ST18: variants seen among roughly 807,000 people sequenced by gnomAD.
ST18 encodes the protein suppression of tumorigenicity 18 protein.
ST18 carries 50 observed loss-of-function variants against 110.0 expected under a neutral mutation model. The observed-to-expected ratio is 0.45, with a 90% CI of 0.36 to 0.58. ST18 has a LOEUF of 0.58. ST18 is among the 20% of genes least tolerant of loss of function. The probability of loss-of-function intolerance (pLI) is 0.00; values close to 1 mark genes in which losing one functional copy is unlikely to be tolerated. For synonymous variants in ST18, 461 were observed against 452.4 expected, an observed-to-expected ratio of 1.02 and a Z score of -0.24; for missense variants, 1,306 against 1,280.1, an observed-to-expected ratio of 1.02 and a Z score of -0.31.
intron 13 of ST18, among the ~76,000 whole-genome samples, chr8:52,161,962 C>A (rs755636401): frequency 8.5e-5 from 13 of 152,208 alleles, no homozygotes; most frequent in Non-Finnish European, 1.9e-4. Context: ...ATAATCCCAG[C>A]CGTTTGGGAG....
At position 52,180,315 on chromosome 8, in the gene ST18, G is replaced by A. The variant is rs374706935; in HGVS notation, c.87-3C>T. The A allele has an allele frequency of 1.3e-5, 21 of 1,613,482 alleles. No homozygotes were observed. The African/African-American group carries it at 2.1e-4, about 16-fold the overall frequency. On this transcript the variant is annotated splice_region_variant and splice_polypyrimidine_tract_variant and intron_variant, in intron 8 of 25. Transcript: ENST00000689386. ...CCATGGAGCAATCATAGGCAACACTGTAGTGATTGAGGAAAATTAAGAATA... is the reference window on the plus strand; with the variant it reads ...CCATGGAGCAATCATAGGCAACACTATAGTGATTGAGGAAAATTAAGAATA...
chr8:52,266,475 A>C (rs1291277609), intron 2 of ST18, among the ~76,000 whole-genome samples: 1 of 152,078 alleles, frequency 6.6e-6, no homozygotes, highest in African/African-American at 2.4e-5. Context: ...GCACACATGA[A>C]GAGAATGTAT....
At chr8:52,185,483 C>T (rs534982407) in intron 8 of ST18, among the ~76,000 whole-genome samples, 1 of 152,180 alleles carries the variant, frequency 6.6e-6, no homozygotes, top group South Asian at 2.1e-4. Context: ...TGGAAAAGAA[C>T]AACAAAGTTG....
Position 52,185,853 on chromosome 8 carries a change from T to A in ST18, c.87-5541A>T, listed in dbSNP as rs186912984. On this transcript the variant is annotated intron_variant, in intron 8 of 25. Coordinates refer to ENST00000689386, the MANE Select transcript of ST18 (RefSeq NM_001352837.2). ...ATATTACCTTCAAAATGTGAGATAA[T>A]ATCTTCACGACCTTGGGGTAGGCAA... Among the ~76,000 whole-genome samples the A allele has an allele frequency of 9.2e-5, 14 of 152,288 alleles. No homozygotes were observed. The East Asian group carries it at 2.7e-3, about 29-fold the overall frequency.
chr8:52,219,476 A>T (rs1387998223), intron 5 of ST18, among the ~76,000 whole-genome samples: 2 of 152,136 alleles, frequency 1.3e-5, no homozygotes, highest in African/African-American at 4.8e-5. Context: ...TTTTATTTGC[A>T]CACTATTCTT....
intron 2 of ST18, among the ~76,000 whole-genome samples, chr8:52,372,390 A>G (rs775477667): frequency 6.6e-6 from 1 of 152,230 alleles, no homozygotes; most frequent in Non-Finnish European, 1.5e-5. Context: ...AAGTTACAGT[A>G]CACTACGGTT....
intron 2 of ST18, among the ~76,000 whole-genome samples, chr8:52,374,003 C>T (rs1831223079): frequency 6.6e-6 from 1 of 152,148 alleles, no homozygotes; most frequent in Non-Finnish European, 1.5e-5. Context: ...TCTCAATTCT[C>T]TAATACCTCC....
At chr8:52,161,599 A>T (rs377477794) in intron 13 of ST18, 31 bp from the exon 14 acceptor site, 3 of 1,608,760 alleles carry the variant, frequency 1.9e-6, no homozygotes, top group Non-Finnish European at 2.5e-6. Context: ...GTTCAAAAGA[A>T]ATACAATGAA....
chr8:52,166,814 T>A, intron 11 of ST18, 38 bp downstream of exon 11: 3 of 1,504,566 alleles, frequency 2.0e-6, no homozygotes, highest in Non-Finnish European at 8.9e-7. Context: ...TGATCTGGCG[T>A]GCATAAGCAG....
intron 8 of ST18, among the ~76,000 whole-genome samples, chr8:52,189,789 A>G (rs761906672): frequency 1.4e-4 from 22 of 152,234 alleles, no homozygotes; most frequent in Non-Finnish European, 2.6e-4. Context: ...GGGGCAGATC[A>G]CAAATGAAAA....
At chr8:52,321,488 G>A (rs1175197254) in intron 2 of ST18, among the ~76,000 whole-genome samples, 1 of 152,106 alleles carries the variant, frequency 6.6e-6, no homozygotes, top group Admixed American at 6.6e-5. Context: ...TCAAGACAAT[G>A]GCCACCAAGT....
At chr8:52,226,203 C>T (rs2136636849) in intron 3 of ST18, among the ~76,000 whole-genome samples, 1 of 152,174 alleles carries the variant, frequency 6.6e-6, no homozygotes, top group South Asian at 2.1e-4. Flanking sequence ...TTCAATTTCC[C>T]TTCCTTCAGG....
chr8:52,314,323 T>C (rs539976938), intron 2 of ST18, among the ~76,000 whole-genome samples: 1 of 152,254 alleles, frequency 6.6e-6, no homozygotes, highest in South Asian at 2.1e-4. Context: ...ATCTGGAGAA[T>C]ATGACATCCT....
At chr8:52,229,135 A>G (rs1456972847) in intron 3 of ST18, among the ~76,000 whole-genome samples, 1 of 152,222 alleles carries the variant, frequency 6.6e-6, no homozygotes, top group Non-Finnish European at 1.5e-5. Context: ...ATTCAAATAC[A>G]GGAATTTACT....
At chr8:52,209,735 A>T (rs1324368900) in intron 8 of ST18, among the ~76,000 whole-genome samples, 1 of 140,716 alleles carries the variant, frequency 7.1e-6, no homozygotes, top group Non-Finnish European at 1.5e-5. Context: ...GTGCCATTGC[A>T]CTCCAGCTTG....
At chr8:52,270,598 C>T (rs1017004044) in intron 2 of ST18, among the ~76,000 whole-genome samples, 1 of 152,108 alleles carries the variant, frequency 6.6e-6, no homozygotes, top group Non-Finnish European at 1.5e-5. Flanking sequence ...TGAAATTAGT[C>T]TGATTGTAGT....
intron 2 of ST18, among the ~76,000 whole-genome samples, chr8:52,380,740 C>A (rs1308441931): frequency 6.6e-6 from 1 of 152,142 alleles, no homozygotes; most frequent in South Asian, 2.1e-4. Context: ...CTCCTAGAGG[C>A]CTGGCAATTG....
chr8:52,158,840 C>T (rs756396260), intron 15 of ST18, 58 bp downstream of exon 15: 83 of 1,580,296 alleles, frequency 5.3e-5, no homozygotes, highest in Admixed American at 1.3e-4. Context: ...ACATGAAAGG[C>T]AGTTTATTCT....
Position 52,113,051 on chromosome 8 carries a change from C to T in ST18, c.*147G>A. ...CATAGTTTTTCTTTCCTTTTTATAT[C>T]AGCTGGGGAAAATAAAATTAGTGCA... is the stretch of plus-strand genomic sequence containing the variant. On this transcript the variant is annotated 3_prime_UTR_variant, in exon 26 of 26. Transcript: ENST00000689386. 1 of 842,746 alleles carries T rather than the reference C, an allele frequency of 1.2e-6. No individual in the cohort carries two copies. The highest frequency in any genetic ancestry group is 1.7e-6 in the Non-Finnish European group (1 of 604,152). The allele number at this position is 842,746 out of a possible 1,614,324, so 52.2% of individuals were successfully genotyped here.
Sources: gnomAD v4.1 joint callset for allele counts (sites outside exome capture counted in the v4.1 genomes callset) on GRCh38, gnomAD v4.1.1 for gene constraint, MANE v1.5 for transcripts, NCBI Gene and HGNC (gene_info 2026-07-23, HGNC 2026-07-21) for gene names.